The following POLG variants were observed in gnomAD, a reference collection of about 807,000 sequenced individuals.
The protein encoded by POLG is DNA polymerase subunit gamma-1.
A neutral mutation model predicts 155.4 loss-of-function variants in POLG; 110 were observed. The ratio of observed to expected loss-of-function variants is 0.71; its 90% CI spans 0.61 to 0.83. The LOEUF is 0.83. POLG is among the 40% of genes least tolerant of loss of function. The pLI, the probability that POLG is intolerant of heterozygous loss-of-function variation, is 0.00. For missense variants in POLG, 1,685 were observed against 1,627.5 expected (o/e 1.04, Z -0.61); for synonymous variants, 701 against 631.5 (o/e 1.11, Z -1.65).
At position 89,325,520 on chromosome 15, in the gene POLG, G is replaced by A. The variant is rs121918046; in HGVS notation, c.1879C>T (p.Arg627Trp). The A allele has an allele frequency of 4.3e-6, 7 of 1,611,770 alleles. No individual in the cohort carries two copies. The highest frequency in any genetic ancestry group is 1.3e-5 in the African/African-American group (1 of 74,898). ...RHGWGYLVPG[R>W]RDNLAKLPTG... ...GGCAGCTTGGCCAGGTTGTCCCGCC[G>A]CCCAGGCACCAAGTAGCCCCAGCCA... Residue 627 changes from arginine to tryptophan, a missense_variant, in exon 10 of 23, where the codon CGG becomes TGG. Physicochemically the swap from Arg to Trp is moderately radical, Grantham distance 101 (BLOSUM62 -3). Coordinates refer to ENST00000268124, the MANE Select transcript of POLG (RefSeq NM_002693.3).
At position 89,324,243 on chromosome 15, in the gene POLG, TAGC is replaced by T. The variant is rs757463031; in HGVS notation, c.1950-19_1950-17del. ...CTCGATGGCTCTGGGCAGAGAACAG[TAGC>T]AGCAGCAGCCGCTGATTACCAGATG... is the stretch of plus-strand genomic sequence containing the variant. On this transcript the variant is annotated splice_polypyrimidine_tract_variant and intron_variant, in intron 10 of 22. Transcript: ENST00000268124. The T allele has an allele frequency of 1.9e-6, 3 of 1,610,228 alleles. No homozygotes were observed. The highest frequency in any genetic ancestry group is 1.3e-5 in the African/African-American group (1 of 74,930).
chr15:89,321,072 G>C (rs748546919), intron 17 of POLG, 53 bp downstream of exon 17: 1 of 1,578,476 alleles, frequency 6.3e-7, no homozygotes, highest in Non-Finnish European at 8.5e-7. Context: ...ATGTTCATCA[G>C]AACTGTCAAT....
intron 22 of POLG, 47 bp from the exon 23 acceptor site, chr15:89,316,874 A>ACTGAGAG (rs765220982): frequency 2.2e-6 from 3 of 1,367,612 alleles, no homozygotes; most frequent in Non-Finnish European, 3.1e-6. Flanking sequence ...AAGAACTGTA[A>ACTGAGAG]CTGAGAGCTC....
At chr15:89,324,553 T>C (rs1212540539) in intron 10 of POLG, among the ~76,000 whole-genome samples, 1 of 152,240 alleles carries the variant, frequency 6.6e-6, no homozygotes, top group African/African-American at 2.4e-5. Context: ...GGCTGGCTCC[T>C]GTCCGCTCAC....
In POLG at chr15:89,316,717, T is replaced by G; in HGVS notation, c.*34A>C. 1 of 1,560,768 alleles carries G rather than the reference T, an allele frequency of 6.4e-7. No homozygotes were observed. Among genetic ancestry groups the G allele is most frequent in the Non-Finnish European group, 8.8e-7 (1 of 1,131,448 alleles). On this transcript the variant is annotated 3_prime_UTR_variant, in exon 23 of 23. Transcript: ENST00000268124. ...GGAGCCTGCACCACCCCGATGAAGCTCCACGGGAGCAAATACAGAGCCTCC... is the reference window on the plus strand; with the variant it reads ...GGAGCCTGCACCACCCCGATGAAGCGCCACGGGAGCAAATACAGAGCCTCC...
chr15:89,328,668 C>T lies in POLG; in HGVS notation c.1170+17G>A. 6.2e-7 allele frequency: 1 copy of T among 1,613,982 alleles called. No individual in the cohort carries two copies. The highest frequency in any genetic ancestry group is 8.5e-7 in the Non-Finnish European group (1 of 1,180,016). On this transcript the variant is annotated intron_variant, in intron 5 of 22. Transcript: ENST00000268124. ...GTGCCACAGCCCATGTCCCCAGAGC[C>T]CCCTCCAGCACCATACCTGGAAGTT...
chr15:89,333,283 A>C lies in POLG; in HGVS notation c.472T>G (p.Leu158Val). The change falls in exon 2 of 23, where the codon TTG (leucine) becomes GTG (valine). Residue 158 changes from leucine to valine, a missense_variant. Leu to Val is a conservative substitution (Grantham distance 32). Coordinates refer to ENST00000268124, the MANE Select transcript of POLG (RefSeq NM_002693.3). ...LPYLEAANLL[L>V]QAQLPPKPPA... ...GGCTTCGGGGGCAGCTGGGCCTGCA[A>C]CAGCAAGTTGGCCGCCTCCAGGTAG... The C allele has an allele frequency of 6.4e-7, 1 of 1,558,306 alleles. No homozygotes were observed. The highest frequency in any genetic ancestry group is 8.7e-7 in the Non-Finnish European group (1 of 1,150,600).
In POLG at chr15:89,333,621, TGCTGCTGCCGCCGCC is replaced by T. The variant is rs769976481; in HGVS notation, c.119_133del (p.Arg40_Gln44del). The T allele has an allele frequency of 3.8e-5, 60 of 1,599,294 alleles. No homozygotes were observed. The highest frequency in any genetic ancestry group is 4.9e-5 in the Non-Finnish European group (57 of 1,175,016). Reference sequence around the variant, plus strand: ...TTGCTGCTGCTGCTGCTGCTGCTGCTGCTGCTGCCGCCGCCGCTGCCCGTCGCTGGGGTCGGACGC... The same window carrying T: ...TTGCTGCTGCTGCTGCTGCTGCTGCTGCTGCCCGTCGCTGGGGTCGGACGC... On this transcript the variant is annotated inframe_deletion, in exon 2 of 23. Transcript: ENST00000268124.
intron 14 of POLG, among the ~76,000 whole-genome samples, chr15:89,322,225 A>G (rs1447635381): frequency 6.6e-6 from 1 of 152,224 alleles, no homozygotes; most frequent in Non-Finnish European, 1.5e-5. Context: ...GGAACCGGCC[A>G]GGCCTCCGAG....
intron 10 of POLG, among the ~76,000 whole-genome samples, chr15:89,325,047 A>G: frequency 8.2e-6 from 1 of 122,394 alleles, no homozygotes; most frequent in Non-Finnish European, 1.5e-5. Flanking sequence ...AGAGTGAGTG[A>G]GTGAGTGAGA....
rs573272388 is a variant in POLG at position 89,318,663 on chromosome 15, A to T, written c.3360T>A (p.Phe1120Leu). 1 of 1,614,252 alleles carries T rather than the reference A, an allele frequency of 6.2e-7. No individual in the cohort carries two copies. The highest frequency in any genetic ancestry group is 1.1e-5 in the South Asian group (1 of 91,090). Reference protein sequence around the residue: ...HLMLVAMKWLFEEFAIDGRFC... With the variant: ...HLMLVAMKWLLEEFAIDGRFC... ...AGCGCCCATCTATGGCAAACTCTTCAAACAGCCACTTCATGGCCACAAGCA... is the reference window on the plus strand; with the variant it reads ...AGCGCCCATCTATGGCAAACTCTTCTAACAGCCACTTCATGGCCACAAGCA... The change falls in exon 21 of 23, where the codon TTT becomes TTA. Residue 1120 changes from phenylalanine to leucine, a missense_variant. By Grantham distance (22) the Phe-to-Leu change is conservative. This residue lies in a region of POLG where 470 missense variants were observed against 439.9 expected (regional missense o/e 1.07). Coordinates refer to ENST00000268124, the MANE Select transcript of POLG (RefSeq NM_002693.3).
intron 4 of POLG, 55 bp downstream of exon 4, chr15:89,328,888 T>C: frequency 2.5e-6 from 4 of 1,613,994 alleles, no homozygotes; most frequent in Non-Finnish European, 3.4e-6. Context: ...CCAGACGGGC[T>C]GGTGAGAGGG....
chr15:89,325,251 A>AGAGTGAGTGAGAGAGTGAGAGAGTGAGT (rs1382112698), intron 10 of POLG, among the ~76,000 whole-genome samples, 199 bp downstream of exon 10: 1 of 79,642 alleles, frequency 1.3e-5, no homozygotes, highest in African/African-American at 1.1e-4. Context: ...AGTGAGTGAG[A>AGAGTGAGTGAGAGAGTGAGAGAGTGAGT]GAGAGAGTGA....
At position 89,316,668 on chromosome 15, in the gene POLG, A is replaced by G. The variant is rs1490450747; in HGVS notation, c.*83T>C. ...GCCTTAGGCAAGCCCTTTTGCAAAAAGCACAGCTGAAAGCCTGAGTTTGGG... is the reference window on the plus strand; with the variant it reads ...GCCTTAGGCAAGCCCTTTTGCAAAAGGCACAGCTGAAAGCCTGAGTTTGGG... On this transcript the variant is annotated 3_prime_UTR_variant, in exon 23 of 23. Transcript: ENST00000268124. 50 of 1,295,212 alleles carry G rather than the reference A, an allele frequency of 3.9e-5. No individual in the cohort carries two copies. Among genetic ancestry groups the G allele is most frequent in the Admixed American group, 2.1e-4 (12 of 58,044 alleles). The allele number at this position is 1,295,212 out of a possible 1,614,324, so 80.2% of individuals were successfully genotyped here. A position where few individuals can be genotyped will look rare whatever the true frequency, so the allele number is the denominator to read the frequency against.
intron 13 of POLG, 85 bp from the exon 14 acceptor site, chr15:89,322,987 A>G: frequency 7.4e-7 from 1 of 1,353,796 alleles, no homozygotes; most frequent in Non-Finnish European, 1.0e-6. Flanking sequence ...CACTCCTCCC[A>G]ACACTGAGCC....
chr15:89,320,062 C>G (rs1026363953), intron 18 of POLG, among the ~76,000 whole-genome samples: 5 of 152,244 alleles, frequency 3.3e-5, no homozygotes, highest in Non-Finnish European at 5.9e-5. Context: ...CTCACTTTAT[C>G]CACTGGACGA....
intron 2 of POLG, 104 bp downstream of exon 2, chr15:89,332,992 G>A (rs985986808): frequency 3.2e-5 from 46 of 1,445,404 alleles, no homozygotes; most frequent in Admixed American, 1.7e-4. Context: ...CGCTCCCTAC[G>A]TGAGCACCCA....
chr15:89,321,353 G>A (rs1032047528), intron 16 of POLG, 93 bp from the exon 17 acceptor site: 4 of 1,452,614 alleles, frequency 2.8e-6, no homozygotes, highest in Non-Finnish European at 2.9e-6. Context: ...TTTCCTGAGG[G>A]GATGGCTTTA....
At chr15:89,325,295 A>T (rs374509127) in intron 10 of POLG, among the ~76,000 whole-genome samples, 155 bp downstream of exon 10, 8 of 99,198 alleles carry the variant, frequency 8.1e-5, no homozygotes, top group East Asian at 2.9e-4. Flanking sequence ...AGAGAGAGAG[A>T]GAGGGTGTGT....
Sources: allele counts gnomAD v4.1 joint callset (sites outside exome capture counted in the v4.1 genomes callset), GRCh38; gene constraint gnomAD v4.1.1; regional missense constraint gnomAD v4.1.1; transcripts MANE v1.5; gene names NCBI Gene and HGNC (gene_info 2026-07-23, HGNC 2026-07-21).